The following MYO1E variants were observed in gnomAD, a reference collection of about 807,000 sequenced individuals.
MYO1E encodes myosin IE.
A neutral mutation model predicts 151.1 loss-of-function variants in MYO1E; 68 were observed. That is an observed-to-expected ratio of 0.45 (90% CI 0.37 to 0.55). The LOEUF (loss-of-function observed/expected upper bound fraction) is 0.55. Ranked by LOEUF, MYO1E falls within the 20% of genes least tolerant of loss-of-function variation. The pLI is 0.00. For missense variants in MYO1E, 1,363 were observed against 1,389.3 expected (o/e 0.98, Z 0.30); for synonymous variants, 601 against 501.7 (o/e 1.20, Z -2.64).
At chr15:59,239,114 G>C (rs1212096720) in intron 4 of MYO1E, among the ~76,000 whole-genome samples, 1 of 151,536 alleles carries the variant, frequency 6.6e-6, no homozygotes, top group Non-Finnish European at 1.5e-5. Context: ...GCTGAGGCAG[G>C]AGAATCTCTT....
chr15:59,230,215 A>ACTGTGT (rs1491451289), intron 6 of MYO1E, among the ~76,000 whole-genome samples: 6 of 118,346 alleles, frequency 5.1e-5, no homozygotes, highest in East Asian at 3.1e-4. Flanking sequence ...AGAGAGAGAC[A>ACTGTGT]GTGTGTGTTT....
At chr15:59,357,663 T>C (rs1474921990) in intron 1 of MYO1E, among the ~76,000 whole-genome samples, 1 of 151,992 alleles carries the variant, frequency 6.6e-6, no homozygotes, top group Admixed American at 6.6e-5. Flanking sequence ...TTGGCCAGGA[T>C]GGTCTGAAAC....
intron 1 of MYO1E, among the ~76,000 whole-genome samples, chr15:59,364,763 G>A (rs1205319213): frequency 2.0e-5 from 3 of 151,960 alleles, no homozygotes; most frequent in Admixed American, 2.0e-4. Flanking sequence ...CAGTTGGCCG[G>A]GCATGGTAGT....
chr15:59,209,369 A>G (rs1010338319), intron 13 of MYO1E, among the ~76,000 whole-genome samples: 1 of 152,108 alleles, frequency 6.6e-6, no homozygotes, highest in Non-Finnish European at 1.5e-5. Flanking sequence ...CTGATATGCT[A>G]TAGTTTGTTT....
At chr15:59,275,944 C>A (rs980578971) in intron 1 of MYO1E, among the ~76,000 whole-genome samples, 6 of 152,150 alleles carry the variant, frequency 3.9e-5, no homozygotes, top group Admixed American at 1.3e-4. Context: ...AGCCTCTGCA[C>A]ACAGCCGCTG....
chr15:59,221,757 T>A (rs1486559832), intron 9 of MYO1E, among the ~76,000 whole-genome samples: 24 of 152,164 alleles, frequency 1.6e-4, no homozygotes, highest in Admixed American at 1.6e-3. Flanking sequence ...ATAAAACACT[T>A]CTTGTTTCAA....
At chr15:59,149,336 G>A (rs899882458) in intron 26 of MYO1E, among the ~76,000 whole-genome samples, 2 of 152,152 alleles carry the variant, frequency 1.3e-5, no homozygotes, top group Admixed American at 6.6e-5. Context: ...GATTACAGGC[G>A]TGAGCCACCG....
chr15:59,147,324 G>T (rs556777622), intron 26 of MYO1E, among the ~76,000 whole-genome samples: 2 of 152,264 alleles, frequency 1.3e-5, no homozygotes, highest in South Asian at 4.1e-4. Context: ...TGGAGGCCAG[G>T]TGCAGTGACT....
At chr15:59,315,191 A>C (rs559756710) in intron 1 of MYO1E, among the ~76,000 whole-genome samples, 167 of 152,132 alleles carry the variant, frequency 1.1e-3, no homozygotes, top group Non-Finnish European at 2.0e-3. Flanking sequence ...ACAGACCATG[A>C]TTTTTTTAAG....
rs538530867 is a variant in MYO1E at position 59,157,536 on chromosome 15, C to T, written c.2878+751G>A. On this transcript the variant is annotated intron_variant, in intron 25 of 27. Coordinates refer to ENST00000288235, the MANE Select transcript of MYO1E (RefSeq NM_004998.4). ...GGTTGTGTGCCATCTCACCCTGTCC[C>T]GCCAGGACACGAATCGTCCCTTTGC... Among the ~76,000 whole-genome samples the T allele has an allele frequency of 5.3e-5, 8 of 152,228 alleles. No homozygotes were observed. The East Asian group carries it at 9.7e-4, about 18-fold the overall frequency.
chr15:59,254,188 T>G (rs2080181322), intron 4 of MYO1E, among the ~76,000 whole-genome samples: 1 of 151,794 alleles, frequency 6.6e-6, no homozygotes, highest in Admixed American at 6.6e-5. Flanking sequence ...TGGGTTTGCT[T>G]TATTAAAAAA....
intron 1 of MYO1E, among the ~76,000 whole-genome samples, chr15:59,278,371 T>G (rs1181863385): frequency 6.6e-6 from 1 of 152,234 alleles, no homozygotes; most frequent in Non-Finnish European, 1.5e-5. Flanking sequence ...TGTTTTGTAA[T>G]GGGATTTTTC....
At chr15:59,238,980 C>A (rs185383732) in intron 4 of MYO1E, among the ~76,000 whole-genome samples, 1 of 151,126 alleles carries the variant, frequency 6.6e-6, no homozygotes, top group Admixed American at 6.6e-5. Flanking sequence ...CCAAGGTGGA[C>A]GGATCATTTG....
chr15:59,234,822 CAAAAA>C (rs3053017), intron 5 of MYO1E, among the ~76,000 whole-genome samples: 2 of 102,214 alleles, frequency 2.0e-5, no homozygotes, highest in Non-Finnish European at 3.8e-5. Flanking sequence ...GACCCCATCT[CAAAAA>C]AAAAAAAAAA....
chr15:59,302,090 G>C (rs1041323807), intron 1 of MYO1E, among the ~76,000 whole-genome samples: 6 of 152,082 alleles, frequency 3.9e-5, no homozygotes, highest in African/African-American at 1.4e-4. Flanking sequence ...CATGGGGTCT[G>C]GCCAATTCTC....
chr15:59,146,691 T>C (rs2079443385), intron 26 of MYO1E, among the ~76,000 whole-genome samples: 1 of 149,282 alleles, frequency 6.7e-6, no homozygotes, highest in Non-Finnish European at 1.5e-5. Context: ...TAATAAAGGC[T>C]CATTATATAT....
At chr15:59,261,895 TA>T (rs2080226394) in intron 2 of MYO1E, among the ~76,000 whole-genome samples, 1 of 152,180 alleles carries the variant, frequency 6.6e-6, no homozygotes, top group African/African-American at 2.4e-5. Flanking sequence ...TCGTATCCGT[TA>T]GGTACACTAA....
In MYO1E at chr15:59,137,416, C is replaced by T; in HGVS notation, c.3291G>A (p.Gln1097=). The change falls in exon 28 of 28, where the codon CAG becomes CAA. Residue 1097 remains glutamine, a synonymous_variant. Coordinates refer to ENST00000288235, the MANE Select transcript of MYO1E (RefSeq NM_004998.4). ...GWWTGRLRGK[Q]GLFPNNYVTK... is the part of the protein sequence containing the mutation. ...TCACATAGTTGTTGGGGAACAGGCCCTGCTTGCCTCGTAGTCGACCCGTCC... is the reference window on the plus strand; with the variant it reads ...TCACATAGTTGTTGGGGAACAGGCCTTGCTTGCCTCGTAGTCGACCCGTCC... 1 of 1,614,178 alleles carries T rather than the reference C, an allele frequency of 6.2e-7. No homozygotes were observed. The highest frequency in any genetic ancestry group is 1.7e-5 in the Admixed American group (1 of 60,026).
chr15:59,215,468 G>A (rs760948234), intron 10 of MYO1E, among the ~76,000 whole-genome samples: 43 of 152,112 alleles, frequency 2.8e-4, no homozygotes, highest in Non-Finnish European at 5.7e-4. Context: ...CTAAATCTGT[G>A]TTCTTAATCA....
Sources: allele counts gnomAD v4.1 joint callset (sites outside exome capture counted in the v4.1 genomes callset), GRCh38; gene constraint gnomAD v4.1.1; transcripts MANE v1.5; gene names NCBI Gene and HGNC (gene_info 2026-07-23, HGNC 2026-07-21).